YIPF7: variants seen among roughly 807,000 people sequenced by gnomAD.
YIPF7 encodes the protein protein YIPF7.
In YIPF7, 35 loss-of-function variants were observed where a neutral mutation model predicts 27.2. That is an observed-to-expected ratio of 1.29 (90% CI 0.98 to 1.70). The LOEUF (loss-of-function observed/expected upper bound fraction) is 1.70, where lower values mean the gene tolerates loss of function less well. YIPF7 is among the 40% of genes most tolerant of loss of function. The pLI, the probability that YIPF7 is intolerant of heterozygous loss-of-function variation, is 0.00. For synonymous variants in YIPF7, 137 were observed against 110.4 expected, an observed-to-expected ratio of 1.24 and a Z score of -1.51; for missense variants, 358 against 303.7, an observed-to-expected ratio of 1.18 and a Z score of -1.33.
At chr4:44,624,927 T>C in intron 4 of YIPF7, 145 bp from the exon 5 acceptor site, 2 of 705,564 alleles carry the variant, frequency 2.8e-6, no homozygotes, top group Non-Finnish European at 4.4e-6. Context: ...CTGGAAGTTC[T>C]GGGAAAAACA....
At chr4:44,649,421 C>A (rs1401774308) in intron 2 of YIPF7, among the ~76,000 whole-genome samples, 1 of 152,128 alleles carries the variant, frequency 6.6e-6, no homozygotes, top group Non-Finnish European at 1.5e-5. Flanking sequence ...GTTGGCTTTT[C>A]CCAAGGAAAC....
At chr4:44,627,962 T>G (rs912474502) in intron 4 of YIPF7, among the ~76,000 whole-genome samples, 4 of 152,136 alleles carry the variant, frequency 2.6e-5, no homozygotes, top group African/African-American at 9.7e-5. Context: ...ATAATGGAAT[T>G]GATGCTGTTC....
At chr4:44,636,180 G>GT (rs1713115432) in intron 2 of YIPF7, 95 bp from the exon 3 acceptor site, 1 of 1,257,510 alleles carries the variant, frequency 8.0e-7, no homozygotes. Flanking sequence ...AATTCATGTA[G>GT]TTTTTATGAG....
At position 44,658,194 on chromosome 4, in the gene YIPF7, T is replaced by C. The variant is rs529167263; in HGVS notation, c.-2+2255A>G. 3.9e-5 allele frequency among the ~76,000 whole-genome samples: 6 copies of C among 152,302 alleles called. No homozygotes were observed. The East Asian group carries it at 1.2e-3, about 29-fold the overall frequency. On this transcript the variant is annotated intron_variant, in intron 2 of 2. Transcript: ENST00000508947. ...GGAGGTGGAGTCTTTGGGAGGTTAC[T>C]AAGTCATGAGGATGGAGCCCTCATG...
At chr4:44,637,702 T>C (rs1303955879) in intron 2 of YIPF7, among the ~76,000 whole-genome samples, 2 of 152,192 alleles carry the variant, frequency 1.3e-5, no homozygotes, top group Admixed American at 6.5e-5. Context: ...ACCTGAGAAG[T>C]ATACACTGAA....
intron 3 of YIPF7, among the ~76,000 whole-genome samples, chr4:44,634,257 G>A (rs1171752569): frequency 2.0e-5 from 3 of 152,212 alleles, no homozygotes; most frequent in African/African-American, 7.2e-5. Context: ...GACAGGCTGG[G>A]CACAGTGGCT....
chr4:44,651,664 T>C, upstream of YIPF7: 2 of 1,458,476 alleles, frequency 1.4e-6, no homozygotes, highest in Non-Finnish European at 1.8e-6. Flanking sequence ...TATACCTTTC[T>C]AAATTTGTAT....
intron 2 of YIPF7, among the ~76,000 whole-genome samples, chr4:44,657,295 C>T (rs1425431390): frequency 6.6e-6 from 1 of 152,158 alleles, no homozygotes; most frequent in Non-Finnish European, 1.5e-5. Flanking sequence ...ACTCAAACAT[C>T]GCGTTTATAT....
Position 44,622,356 on chromosome 4 carries a change from T to G in YIPF7, c.*58A>C, listed in dbSNP as rs1712469966. The G allele has an allele frequency of 6.5e-7, 1 of 1,534,248 alleles. No homozygotes were observed. Among genetic ancestry groups the G allele is most frequent in the Non-Finnish European group, 8.8e-7 (1 of 1,139,928 alleles). The stretch of plus-strand genomic sequence containing the variant: ...ATATCACCAAATTTGAATGTTAATA[T>G]ATTTCCAAAATAATCTGGACAGCAA... On this transcript the variant is annotated 3_prime_UTR_variant, in exon 6 of 6. Coordinates refer to ENST00000415895, the MANE Select transcript of YIPF7 (RefSeq NM_182592.3).
chr4:44,644,354 A>T (rs983778799), intron 2 of YIPF7, among the ~76,000 whole-genome samples: 1 of 152,224 alleles, frequency 6.6e-6, no homozygotes, highest in Non-Finnish European at 1.5e-5. Flanking sequence ...AAAAAATTGC[A>T]AAAGTATCTC....
At chr4:44,642,311 C>T (rs1457565046) in intron 2 of YIPF7, among the ~76,000 whole-genome samples, 1 of 152,080 alleles carries the variant, frequency 6.6e-6, no homozygotes, top group Non-Finnish European at 1.5e-5. Context: ...ATTCCTCTAC[C>T]ACTTATTTAA....
chr4:44,651,776 C>G, upstream of YIPF7: 5 of 456,000 alleles, frequency 1.1e-5, no homozygotes, highest in Non-Finnish European at 1.9e-5. Context: ...ACACAGTGAA[C>G]AGTGTTACAG....
intron 5 of YIPF7, among the ~76,000 whole-genome samples, chr4:44,623,722 T>C (rs1413348851): frequency 6.6e-6 from 1 of 152,170 alleles, no homozygotes; most frequent in African/African-American, 2.4e-5. Context: ...TTCTTAGTAA[T>C]GGTCTTGAGT....
chr4:44,653,308 T>C (rs1192870271), upstream of YIPF7, among the ~76,000 whole-genome samples: 6 of 152,060 alleles, frequency 3.9e-5, no homozygotes. Flanking sequence ...TGAAATGTCA[T>C]TCTAGGGTAG....
chr4:44,624,872 C>CAGTT (rs1712576430), intron 4 of YIPF7, 90 bp from the exon 5 acceptor site: 1 of 1,207,194 alleles, frequency 8.3e-7, no homozygotes, highest in Admixed American at 2.5e-5. Flanking sequence ...ATCTTAGAGT[C>CAGTT]AGTTCAGTGC....
intron 2 of YIPF7, among the ~76,000 whole-genome samples, chr4:44,647,684 T>C (rs1297598772): frequency 6.6e-6 from 1 of 152,102 alleles, no homozygotes; most frequent in Non-Finnish European, 1.5e-5. Context: ...TTCCAGATAT[T>C]CAACTTTTCC....
chr4:44,641,042 T>G (rs949184678), intron 2 of YIPF7, among the ~76,000 whole-genome samples: 1 of 152,126 alleles, frequency 6.6e-6, no homozygotes, highest in South Asian at 2.1e-4. Flanking sequence ...ATCTAGGGTT[T>G]GAGAGAGTCA....
intron 2 of YIPF7, among the ~76,000 whole-genome samples, chr4:44,637,471 T>G (rs1713168300): frequency 6.6e-6 from 1 of 152,252 alleles, no homozygotes; most frequent in Non-Finnish European, 1.5e-5. Flanking sequence ...CACTGTTGTT[T>G]TAATTTTCAT....
intron 3 of YIPF7, among the ~76,000 whole-genome samples, chr4:44,634,087 T>A (rs1235868362): frequency 6.6e-6 from 1 of 152,184 alleles, no homozygotes; most frequent in Non-Finnish European, 1.5e-5. Flanking sequence ...AAAGATGGTT[T>A]CCTATGATGG....
Sources: allele counts gnomAD v4.1 joint callset (sites outside exome capture counted in the v4.1 genomes callset), GRCh38; gene constraint gnomAD v4.1.1; transcripts MANE v1.5; gene names NCBI Gene and HGNC (gene_info 2026-07-23, HGNC 2026-07-21).